Variants in FOXO3 observed in about 807,000 individuals in gnomAD.
The protein encoded by FOXO3 is forkhead box O3, also known as forkhead box protein O3.
Under a neutral mutation model 41.9 loss-of-function variants are expected in FOXO3, and 4 were observed. The observed-to-expected ratio is 0.10, with a 90% CI of 0.05 to 0.22. The LOEUF (loss-of-function observed/expected upper bound fraction) is 0.22. Among genes scored for constraint, FOXO3 ranks in the 10% least tolerant of loss-of-function variants. The pLI is 1.00. For missense variants in FOXO3, 534 were observed against 906.8 expected (o/e 0.59, Z 5.28); for synonymous variants, 318 against 389.3 (o/e 0.82, Z 2.16).
At chr6:108,642,253 T>C (rs1778281354) in intron 1 of FOXO3, among the ~76,000 whole-genome samples, 1 of 152,172 alleles carries the variant, frequency 6.6e-6, no homozygotes, top group South Asian at 2.1e-4. Flanking sequence ...CATGCTTGGC[T>C]AATTTTCAAA....
chr6:108,560,792 T>G, upstream of FOXO3: 1 of 257,870 alleles, frequency 3.9e-6, no homozygotes. Flanking sequence ...CGGGCGCCCC[T>G]CCCCCTTCTC....
At chr6:108,592,973 G>A (rs1352947840) in intron 1 of FOXO3, among the ~76,000 whole-genome samples, 1 of 152,232 alleles carries the variant, frequency 6.6e-6, no homozygotes, top group African/African-American at 2.4e-5. Context: ...TCCACAGAGA[G>A]ATGGATGCGT....
intron 1 of FOXO3, among the ~76,000 whole-genome samples, chr6:108,595,804 C>T (rs1378596423): frequency 2.0e-5 from 3 of 152,114 alleles, no homozygotes; most frequent in East Asian, 1.9e-4. Flanking sequence ...TGTGTTTGCA[C>T]GTGGTTATGA....
At chr6:108,652,246 T>C (rs761750765) in intron 1 of FOXO3, among the ~76,000 whole-genome samples, 21 of 152,216 alleles carry the variant, frequency 1.4e-4, no homozygotes, top group Non-Finnish European at 2.6e-4. Flanking sequence ...CCCAAAATAG[T>C]GATCCCAGTT....
intron 1 of FOXO3, among the ~76,000 whole-genome samples, chr6:108,636,731 C>A (rs1778131596): frequency 1.3e-5 from 2 of 152,040 alleles, no homozygotes; most frequent in South Asian, 2.1e-4. Flanking sequence ...TGACATATGC[C>A]AGGTGAGAAA....
chr6:108,602,455 G>A (rs1170157464), intron 1 of FOXO3, among the ~76,000 whole-genome samples: 1 of 152,158 alleles, frequency 6.6e-6, no homozygotes, highest in African/African-American at 2.4e-5. Context: ...GAGTAACAGA[G>A]ATGCCACCAA....
rs925713081 is a variant in FOXO3, at chr6:108,572,099, T to C, written c.621+10270T>C. On this transcript the variant is annotated intron_variant, in intron 1 of 2. Transcript: ENST00000406360. ...TCCCCCTCCTTACTGAATTTCTTTT[T>C]CTCTGCCTGTTTTGTGAACTGACAG... 3.9e-5 allele frequency among the ~76,000 whole-genome samples: 6 copies of C among 152,314 alleles called. 1 individual carries two copies. The South Asian group carries it at 1.2e-3, about 32-fold the overall frequency.
At position 108,580,709 on chromosome 6, in the gene FOXO3, G is replaced by A. The variant is rs1582742427; in HGVS notation, c.621+18880G>A. Among the ~76,000 whole-genome samples the A allele has an allele frequency of 2.0e-5, 3 of 152,102 alleles. No homozygotes were observed. The South Asian group carries it at 6.2e-4, about 31-fold the overall frequency. The stretch of plus-strand genomic sequence containing the variant: ...TCTTTTCTATCATATTTCCCATTTT[G>A]GTTTAAAAGAAGAGAAAGGGAGTTT... On this transcript the variant is annotated intron_variant, in intron 1 of 2. Transcript: ENST00000406360.
chr6:108,668,456 G>A (rs1435445438), intron 2 of FOXO3, among the ~76,000 whole-genome samples: 1 of 152,240 alleles, frequency 6.6e-6, no homozygotes, highest in Non-Finnish European at 1.5e-5. Context: ...GTTGGTGGCA[G>A]AGATGGTCAT....
At chr6:108,673,265 G>C (rs1770409728) in intron 2 of FOXO3, among the ~76,000 whole-genome samples, 1 of 152,198 alleles carries the variant, frequency 6.6e-6, no homozygotes, top group African/African-American at 2.4e-5. Flanking sequence ...ATGGGAGGCA[G>C]CCCCAGCCGG....
intron 1 of FOXO3, among the ~76,000 whole-genome samples, chr6:108,599,345 A>G (rs182756244): frequency 3.9e-5 from 6 of 152,344 alleles, no homozygotes; most frequent in Admixed American, 3.3e-4. Context: ...GCTCTCACCT[A>G]TGTCTAGAAT....
intron 1 of FOXO3, among the ~76,000 whole-genome samples, chr6:108,645,449 C>G (rs1778368499): frequency 6.6e-6 from 1 of 150,498 alleles, no homozygotes; most frequent in South Asian, 2.1e-4. Flanking sequence ...TCTTGAATCC[C>G]CAGAATTGCT....
intron 1 of FOXO3, among the ~76,000 whole-genome samples, chr6:108,648,581 ATTCC>A (rs1308559602): frequency 6.6e-6 from 1 of 152,172 alleles, no homozygotes; most frequent in African/African-American, 2.4e-5. Flanking sequence ...ATTATCTTGT[ATTCC>A]TTCTTATTTT....
Position 108,680,809 on chromosome 6 carries a change from G to GACC in FOXO3, c.*1017_*1018insACC, listed in dbSNP as rs1220907000. On this transcript the variant is annotated 3_prime_UTR_variant, in exon 3 of 3. Transcript: ENST00000406360. The stretch of plus-strand genomic sequence containing the variant: ...CTTTGCAGAACAAATGAACTTACAG[G>GACC]TGAGCATTAAGCTTGCAGTGAGAAA... 6.6e-6 allele frequency: 1 copy of GACC among 151,490 alleles called. No homozygotes were observed. Among genetic ancestry groups the GACC allele is most frequent in the African/African-American group, 2.4e-5 (1 of 41,244 alleles). 9.4% of individuals were successfully genotyped at this position (151,490 alleles called of 1,614,324 possible).
At chr6:108,610,662 C>T (rs1432398329) in intron 1 of FOXO3, among the ~76,000 whole-genome samples, 1 of 152,134 alleles carries the variant, frequency 6.6e-6, no homozygotes, top group Non-Finnish European at 1.5e-5. Flanking sequence ...CAGAGAGCAG[C>T]CCTCCCCATT....
intron 2 of FOXO3, among the ~76,000 whole-genome samples, chr6:108,665,776 T>C (rs962551070): frequency 1.4e-4 from 20 of 139,414 alleles, no homozygotes; most frequent in Non-Finnish European, 1.1e-4. Context: ...GCCACTGCAC[T>C]CCATCCTGGG....
chr6:108,616,696 C>T (rs1031885878), intron 1 of FOXO3, among the ~76,000 whole-genome samples: 1 of 152,168 alleles, frequency 6.6e-6, no homozygotes, highest in Non-Finnish European at 1.5e-5. Flanking sequence ...AGTATATTCA[C>T]AGAGTTGTGC....
At chr6:108,624,793 G>A (rs1417146064) in intron 1 of FOXO3, among the ~76,000 whole-genome samples, 4 of 151,938 alleles carry the variant, frequency 2.6e-5, no homozygotes, top group Non-Finnish European at 5.9e-5. Flanking sequence ...TTTTGCAGTT[G>A]TTTAACTTTT....
At chr6:108,613,695 CT>C (rs1342011241) in intron 1 of FOXO3, among the ~76,000 whole-genome samples, 5 of 151,950 alleles carry the variant, frequency 3.3e-5, no homozygotes, top group African/African-American at 9.7e-5. Flanking sequence ...CTTCCACTGA[CT>C]TTTCCCCCGT....
Sources: allele counts gnomAD v4.1 joint callset (sites outside exome capture counted in the v4.1 genomes callset), GRCh38; gene constraint gnomAD v4.1.1; transcripts MANE v1.5; gene names NCBI Gene and HGNC (gene_info 2026-07-23, HGNC 2026-07-21).